Variants in MYH10 observed in about 807,000 individuals in gnomAD.
The protein encoded by MYH10 is myosin heavy chain 10.
Under a neutral mutation model 257.8 loss-of-function variants are expected in MYH10, and 55 were observed. The observed-to-expected ratio is 0.21, with a 90% confidence interval of 0.17 to 0.27. The LOEUF (loss-of-function observed/expected upper bound fraction) is 0.27. Among genes scored for constraint, MYH10 ranks in the 10% least tolerant of loss-of-function variants. MYH10 has a pLI of 1.00. For synonymous variants in MYH10, 854 were observed against 921.7 expected (o/e 0.93, Z 1.33); for missense variants, 1,631 against 2,500.6 (o/e 0.65, Z 7.42).
intron 3 of MYH10, among the ~76,000 whole-genome samples, chr17:8,604,566 A>G (rs1484639865): frequency 1.3e-5 from 2 of 152,242 alleles, no homozygotes; most frequent in Admixed American, 6.5e-5. Flanking sequence ...AATCAAATGT[A>G]TATGAAAACT....
intron 2 of MYH10, among the ~76,000 whole-genome samples, chr17:8,619,427 A>G (rs969863495): frequency 5.9e-5 from 9 of 152,202 alleles, no homozygotes; most frequent in Non-Finnish European, 1.2e-4. Flanking sequence ...TCGTATTGTT[A>G]TAAAAATAGT....
At chr17:8,508,765 G>C (rs147849224) in intron 25 of MYH10, 88 bp from the exon 26 acceptor site, 4 of 1,522,484 alleles carry the variant, frequency 2.6e-6, no homozygotes, top group South Asian at 2.3e-5. Context: ...ACTTTGACTC[G>C]AGAGAAAATA....
intron 4 of MYH10, among the ~76,000 whole-genome samples, chr17:8,584,463 T>C (rs1191747137): frequency 6.6e-6 from 1 of 152,106 alleles, no homozygotes; most frequent in Admixed American, 6.5e-5. Context: ...GGAAAGAGGG[T>C]ACAAAGAGTG....
intron 1 of MYH10, among the ~76,000 whole-genome samples, chr17:8,630,440 C>G (rs1035677048): frequency 2.0e-5 from 3 of 152,116 alleles, no homozygotes; most frequent in African/African-American, 7.2e-5. Context: ...CCAGTGCCCC[C>G]AGCCCAGGAC....
intron 4 of MYH10, among the ~76,000 whole-genome samples, chr17:8,585,240 A>ATACG (rs57834285): frequency 7.1e-6 from 1 of 140,144 alleles, no homozygotes; most frequent in Non-Finnish European, 1.5e-5. Flanking sequence ...GTGTGTATAT[A>ATACG]TGTGTATATA....
At position 8,474,315 on chromosome 17, in the gene MYH10, T is replaced by C. The variant is rs1912152839; in HGVS notation, c.*1489A>G. ...CAAATATCTATAATGAATAAATTTA[T>C]TGTCTTACAAAAATCATTGTCTAGA... is the stretch of plus-strand genomic sequence containing the variant. On this transcript the variant is annotated 3_prime_UTR_variant, in exon 43 of 43. Coordinates refer to ENST00000360416, the MANE Select transcript of MYH10 (RefSeq NM_001256012.3). The C allele has an allele frequency of 6.6e-6, 1 of 152,642 alleles. No individual in the cohort carries two copies. The highest frequency in any genetic ancestry group is 6.5e-5 in the Admixed American group (1 of 15,288). The allele number at this position is 152,642 out of a possible 1,614,324, so 9.5% of individuals were successfully genotyped here.
At position 8,623,225 on chromosome 17, in the gene MYH10, C is replaced by T. The variant is rs767198768; in HGVS notation, c.22G>A (p.Glu8Lys). 7 of 1,596,414 alleles carry T rather than the reference C, an allele frequency of 4.4e-6. No individual in the cohort carries two copies. The highest frequency in any genetic ancestry group is 6.0e-6 in the Non-Finnish European group (7 of 1,173,346). The change falls in exon 2 of 43, where the codon GAG becomes AAG. Residue 8 changes from glutamate (E) to lysine (K), a missense_variant. This residue lies in a region of MYH10 where 360 missense variants were observed against 581.9 expected (regional missense o/e 0.62). Coordinates refer to ENST00000360416, the MANE Select transcript of MYH10 (RefSeq NM_001256012.3). MAQRTGL[E>K]DPERYLFVDR... is the part of the protein sequence containing the mutation. ...ACAAAGAGATACCTCTCTGGATCCT[C>T]GAGTCCAGTTCTCTGCGCCATTGTA... is the stretch of plus-strand genomic sequence containing the variant.
At chr17:8,563,915 A>C (rs2083080679) in intron 7 of MYH10, among the ~76,000 whole-genome samples, 1 of 151,474 alleles carries the variant, frequency 6.6e-6, no homozygotes, top group African/African-American at 2.4e-5. Flanking sequence ...AAAGAGAGAG[A>C]GAAAGAAAAT....
intron 23 of MYH10, among the ~76,000 whole-genome samples, chr17:8,512,909 T>G (rs2081346044): frequency 1.3e-5 from 2 of 152,222 alleles, no homozygotes; most frequent in South Asian, 4.1e-4. Context: ...TCTATGAAGG[T>G]AATTTACAAG....
intron 35 of MYH10, among the ~76,000 whole-genome samples, chr17:8,489,571 G>A (rs1915411991): frequency 6.6e-6 from 1 of 152,094 alleles, no homozygotes; most frequent in Non-Finnish European, 1.5e-5. Context: ...GGGCATGGTG[G>A]TGTGTGTCTG....
At chr17:8,487,304 G>C in intron 36 of MYH10, 129 bp downstream of exon 36, 1 of 1,045,314 alleles carries the variant, frequency 9.6e-7, no homozygotes. Flanking sequence ...CTCTCTTTAT[G>C]GCCTGCTGCC....
intron 30 of MYH10, among the ~76,000 whole-genome samples, chr17:8,497,465 C>T (rs1251981009): frequency 6.6e-6 from 1 of 151,054 alleles, no homozygotes; most frequent in Non-Finnish European, 1.5e-5. Flanking sequence ...AAGGGCCGGG[C>T]GCGGTGGCTC....
At chr17:8,517,205 C>T (rs2081501133) in intron 21 of MYH10, among the ~76,000 whole-genome samples, 1 of 152,174 alleles carries the variant, frequency 6.6e-6, no homozygotes. Context: ...TAGTATCAAC[C>T]CGAAGATATC....
chr17:8,630,193 A>AGAC (rs1188656777), intron 1 of MYH10, among the ~76,000 whole-genome samples: 1 of 143,736 alleles, frequency 7.0e-6, no homozygotes, highest in Non-Finnish European at 1.5e-5. Context: ...CCTGGGAGGC[A>AGAC]GACACTGGCT....
chr17:8,610,196 C>G (rs1427316521), intron 2 of MYH10, among the ~76,000 whole-genome samples: 15 of 140,324 alleles, frequency 1.1e-4, no homozygotes, highest in Admixed American at 9.0e-4. Flanking sequence ...TCTCCTGAAT[C>G]TGAATCCGTT....
intron 37 of MYH10, 97 bp downstream of exon 37, chr17:8,484,041 T>TTA (rs762837947): frequency 1.2e-5 from 14 of 1,182,142 alleles, no homozygotes; most frequent in East Asian, 7.6e-5. Flanking sequence ...TATACTGACA[T>TTA]TACAGTGGGC....
intron 3 of MYH10, among the ~76,000 whole-genome samples, chr17:8,590,904 G>A (rs2084110184): frequency 8.2e-6 from 1 of 121,702 alleles, no homozygotes; most frequent in Non-Finnish European, 1.7e-5. Context: ...ATGGAGTCTT[G>A]CTCTATTGCC....
At position 8,499,388 on chromosome 17, in the gene MYH10, T is replaced by C; in HGVS notation, c.3833A>G (p.Lys1278Arg). ...ACEVKVLQQVKAESEHKRKKL... is the reference protein window; with the variant it reads ...ACEVKVLQQVRAESEHKRKKL... ...CTTCCTCTTGTGCTCAGACTCAGCC[T>C]TGACCTGCTGCAGGACCTTCACCTC... is the stretch of plus-strand genomic sequence containing the variant. Residue 1278 changes from lysine (K) to arginine (R), a missense_variant, in exon 30 of 43, where the codon AAG (lysine) becomes AGG (arginine). Physicochemically the swap from Lys to Arg is conservative, Grantham distance 26. Transcript: ENST00000360416. 1 of 1,614,216 alleles carries C rather than the reference T, an allele frequency of 6.2e-7. No individual in the cohort carries two copies. The highest frequency in any genetic ancestry group is 8.5e-7 in the Non-Finnish European group (1 of 1,180,046).
chr17:8,585,166 CAT>C (rs763033321), intron 4 of MYH10, among the ~76,000 whole-genome samples: 15 of 149,788 alleles, frequency 1.0e-4, no homozygotes, highest in African/African-American at 1.5e-4. Context: ...GGTCGTACTA[CAT>C]ATATATATGT....
Sources: allele counts gnomAD v4.1 joint callset (sites outside exome capture counted in the v4.1 genomes callset), GRCh38; gene constraint gnomAD v4.1.1; regional missense constraint gnomAD v4.1.1; transcripts MANE v1.5; gene names NCBI Gene and HGNC (gene_info 2026-07-23, HGNC 2026-07-21).